Variants in BMP6 observed in about 807,000 individuals in gnomAD.
The protein encoded by BMP6 is bone morphogenetic protein 6, also known as VG-1-R.
In BMP6, 17 loss-of-function variants were observed where a neutral mutation model predicts 54.1. The observed-to-expected ratio is 0.31, with a 90% CI of 0.22 to 0.47. The LOEUF (loss-of-function observed/expected upper bound fraction) is 0.47. Ranked by LOEUF, BMP6 falls within the 20% of genes least tolerant of loss-of-function variation. The pLI, the probability that BMP6 is intolerant of heterozygous loss-of-function variation, is 1.00. For missense variants in BMP6, 720 were observed against 690.4 expected (o/e 1.04, Z -0.48); for synonymous variants, 328 against 291.2 (o/e 1.13, Z -1.28).
intron 1 of BMP6, among the ~76,000 whole-genome samples, chr6:7,749,070 T>C (rs1261662240): frequency 6.6e-6 from 1 of 152,230 alleles, no homozygotes; most frequent in African/African-American, 2.4e-5. Context: ...CTTAGCGCTT[T>C]CCTGCAGATT....
chr6:7,862,533 CT>C (rs762001135), intron 4 of BMP6, 35 bp downstream of exon 4: 2 of 1,610,902 alleles, frequency 1.2e-6, no homozygotes, highest in Non-Finnish European at 1.7e-6. Flanking sequence ...TCCAGAAAGC[CT>C]TGTTGGCCTC....
At chr6:7,803,516 A>C (rs904790402) in intron 1 of BMP6, among the ~76,000 whole-genome samples, 1 of 152,054 alleles carries the variant, frequency 6.6e-6, no homozygotes, top group African/African-American at 2.4e-5. Context: ...CTCTAACCTA[A>C]TGGCAACCTC....
In BMP6 at chr6:7,771,640, CCT is replaced by C. The variant is rs1757789526; in HGVS notation, c.664+44025_664+44026del. ...GAGGTTTCATGGTCGTATTTGCTGG[CCT>C]CTCAGCAGCATTCTACTGAAGACTT... On this transcript the variant is annotated intron_variant, in intron 1 of 6. Transcript: ENST00000283147. Among the ~76,000 whole-genome samples the C allele has an allele frequency of 5.3e-5, 8 of 152,290 alleles. No individual in the cohort carries two copies. In the South Asian group the frequency reaches 1.5e-3, roughly 28 times the overall value.
chr6:7,746,340 G>C (rs1757346612), intron 1 of BMP6, among the ~76,000 whole-genome samples: 1 of 152,176 alleles, frequency 6.6e-6, no homozygotes, highest in Non-Finnish European at 1.5e-5. Flanking sequence ...TAGTAAGACT[G>C]TGGAATGACT....
intron 1 of BMP6, among the ~76,000 whole-genome samples, chr6:7,843,247 ATTC>A (rs1759005052): frequency 1.3e-5 from 2 of 151,484 alleles, no homozygotes; most frequent in Non-Finnish European, 2.9e-5. Context: ...GCCAAAGCTT[ATTC>A]TTTTTTAACC....
intron 1 of BMP6, among the ~76,000 whole-genome samples, chr6:7,797,831 A>G (rs1224720971): frequency 6.6e-6 from 1 of 152,166 alleles, no homozygotes; most frequent in African/African-American, 2.4e-5. Context: ...TCTAGATTCT[A>G]CCTTTTTGTT....
chr6:7,743,011 A>G (rs2113119435), intron 1 of BMP6, among the ~76,000 whole-genome samples: 1 of 152,248 alleles, frequency 6.6e-6, no homozygotes, highest in East Asian at 1.9e-4. Flanking sequence ...GGATGGAGCA[A>G]AGGGAGAGAG....
intron 1 of BMP6, among the ~76,000 whole-genome samples, chr6:7,837,651 G>C (rs9766201): frequency 0.073 from 11,163 of 152,114 alleles, 719 homozygotes; most frequent in African/African-American, 0.17. Context: ...GGAAGACTGA[G>C]GGGGGCTTAG....
intron 1 of BMP6, among the ~76,000 whole-genome samples, chr6:7,745,315 C>T (rs560149262): frequency 6.6e-6 from 1 of 152,198 alleles, no homozygotes; most frequent in Non-Finnish European, 1.5e-5. Flanking sequence ...ACTCTGTCAC[C>T]CAGGCTGGAG....
chr6:7,817,659 C>T (rs1339334152), intron 1 of BMP6, among the ~76,000 whole-genome samples: 1 of 151,676 alleles, frequency 6.6e-6, no homozygotes, highest in Non-Finnish European at 1.5e-5. Context: ...ACCAACATGG[C>T]ACATGTATAC....
intron 1 of BMP6, among the ~76,000 whole-genome samples, chr6:7,733,916 C>T (rs1174605816): frequency 6.6e-6 from 1 of 152,156 alleles, no homozygotes; most frequent in Admixed American, 6.5e-5. Flanking sequence ...GTGCCATTAA[C>T]CTCTGAAGTT....
intron 4 of BMP6, among the ~76,000 whole-genome samples, chr6:7,877,660 C>T (rs954837520): frequency 6.6e-6 from 1 of 152,094 alleles, no homozygotes; most frequent in Non-Finnish European, 1.5e-5. Flanking sequence ...TCTGCACGCT[C>T]TCTCCTGCTT....
chr6:7,800,775 A>G (rs1581253013), intron 1 of BMP6, among the ~76,000 whole-genome samples: 1 of 152,314 alleles, frequency 6.6e-6, no homozygotes, highest in Middle Eastern at 3.4e-3. Flanking sequence ...CAACCAATAA[A>G]TTGATTCATT....
chr6:7,786,512 C>T (rs1300272857), intron 1 of BMP6, among the ~76,000 whole-genome samples: 1 of 147,094 alleles, frequency 6.8e-6, no homozygotes, highest in African/African-American at 2.5e-5. Context: ...CCTTTCAGCT[C>T]ACATCCTTGG....
At chr6:7,746,647 C>A (rs1757350795) in intron 1 of BMP6, among the ~76,000 whole-genome samples, 1 of 152,118 alleles carries the variant, frequency 6.6e-6, no homozygotes, top group Non-Finnish European at 1.5e-5. Context: ...TGAAAGGTTA[C>A]GATTTAAATA....
chr6:7,839,979 A>C (rs1461851355), intron 1 of BMP6, among the ~76,000 whole-genome samples: 1 of 152,234 alleles, frequency 6.6e-6, no homozygotes, highest in African/African-American at 2.4e-5. Context: ...GAAAATGCCC[A>C]TACTTTTAAT....
chr6:7,769,226 C>T (rs1359103375), intron 1 of BMP6, among the ~76,000 whole-genome samples: 1 of 152,222 alleles, frequency 6.6e-6, no homozygotes, highest in Non-Finnish European at 1.5e-5. Flanking sequence ...AGTGGAACTA[C>T]ACCGATCAGC....
intron 1 of BMP6, among the ~76,000 whole-genome samples, chr6:7,800,912 AGGG>A (rs201191015): frequency 7.9e-5 from 3 of 38,214 alleles, no homozygotes; most frequent in African/African-American, 2.3e-4. Context: ...AAGCGGGGGG[AGGG>A]GGGGGCACAT....
chr6:7,728,559 G>A (rs1761790847), intron 1 of BMP6, among the ~76,000 whole-genome samples: 1 of 152,226 alleles, frequency 6.6e-6, no homozygotes, highest in Non-Finnish European at 1.5e-5. Context: ...GAAGGGTGCA[G>A]AGAAGACTCT....
Sources: gnomAD v4.1 joint callset for allele counts (sites outside exome capture counted in the v4.1 genomes callset) on GRCh38, gnomAD v4.1.1 for gene constraint, MANE v1.5 for transcripts, NCBI Gene and HGNC (gene_info 2026-07-23, HGNC 2026-07-21) for gene names.